Variants in TLN2 observed in about 807,000 individuals in gnomAD.
TLN2 encodes the protein talin 2, also known as talin-2.
Under a neutral mutation model 294.7 loss-of-function variants are expected in TLN2, and 118 were observed. The ratio of observed to expected loss-of-function variants is 0.40; its 90% CI spans 0.34 to 0.47. The LOEUF (loss-of-function observed/expected upper bound fraction) is 0.47. Ranked by LOEUF, TLN2 falls within the 20% of genes least tolerant of loss-of-function variation. The probability of loss-of-function intolerance (pLI) is 0.84; values close to 1 mark genes in which losing one functional copy is unlikely to be tolerated. For missense variants in TLN2, 3,083 were observed against 3,282.2 expected (o/e 0.94, Z 1.48); for synonymous variants, 1,431 against 1,304.5 (o/e 1.10, Z -2.09).
At position 62,840,732 on chromosome 15, in the gene TLN2, C is replaced by G; in HGVS notation, c.*122C>G. ...ACCTCCCTCCCGGGTGAGCCTGGAGCCCTGCGTGCTTGTTCTCACATCTCT... is the reference window on the plus strand; with the variant it reads ...ACCTCCCTCCCGGGTGAGCCTGGAGGCCTGCGTGCTTGTTCTCACATCTCT... On this transcript the variant is annotated 3_prime_UTR_variant, in exon 59 of 59. Coordinates refer to ENST00000636159, the MANE Select transcript of TLN2 (RefSeq NM_015059.3). 1 of 1,365,870 alleles carries G rather than the reference C, an allele frequency of 7.3e-7. No homozygotes were observed. 84.6% of individuals were successfully genotyped at this position (1,365,870 alleles called of 1,614,324 possible). A position where few individuals can be genotyped will look rare whatever the true frequency, so the allele number is the denominator to read the frequency against.
At chr15:62,789,304 C>T (rs2064913163) in intron 45 of TLN2, among the ~76,000 whole-genome samples, 1 of 152,152 alleles carries the variant, frequency 6.6e-6, no homozygotes, top group Admixed American at 6.5e-5. Context: ...CTGAGAACAC[C>T]AAAGGCCTTT....
intron 1 of TLN2, among the ~76,000 whole-genome samples, chr15:62,427,498 A>C (rs1046729115): frequency 6.6e-6 from 1 of 151,866 alleles, no homozygotes; most frequent in Non-Finnish European, 1.5e-5. Flanking sequence ...CAACGGGAGG[A>C]GGGGGCGAGG....
intron 54 of TLN2, chr15:62,830,885 T>G (rs1418296968): frequency 6.6e-6 from 1 of 152,124 alleles, no homozygotes; most frequent in African/African-American, 2.4e-5. Flanking sequence ...CTCCCAGAGA[T>G]AAGAACTTCT....
intron 2 of TLN2, among the ~76,000 whole-genome samples, chr15:62,613,334 T>G (rs1384224460): frequency 6.6e-6 from 1 of 152,204 alleles, no homozygotes; most frequent in Non-Finnish European, 1.5e-5. Context: ...TGTAATTATT[T>G]AGAATGGTCA....
intron 48 of TLN2, among the ~76,000 whole-genome samples, chr15:62,798,577 TCTCTGTTCC>T (rs1179098177): frequency 6.6e-6 from 1 of 152,096 alleles, no homozygotes; most frequent in African/African-American, 2.4e-5. Flanking sequence ...ACCTCTGTTC[TCTCTGTTCC>T]CAGAACCGTC....
chr15:62,673,438 T>A (rs1411167407), intron 9 of TLN2, among the ~76,000 whole-genome samples: 1 of 151,052 alleles, frequency 6.6e-6, no homozygotes, highest in Non-Finnish European at 1.5e-5. Context: ...GGAGAACCAT[T>A]TTTATTAGTA....
At chr15:62,421,704 A>G (rs2034409390) in intron 1 of TLN2, among the ~76,000 whole-genome samples, 1 of 152,108 alleles carries the variant, frequency 6.6e-6, no homozygotes, top group Non-Finnish European at 1.5e-5. Context: ...AGAGAGGATC[A>G]GAGAAAATAA....
intron 19 of TLN2, among the ~76,000 whole-genome samples, chr15:62,705,375 A>G (rs2058991777): frequency 6.6e-6 from 1 of 152,246 alleles, no homozygotes; most frequent in Admixed American, 6.5e-5. Context: ...AATGTACTGC[A>G]TGTTCCCATA....
intron 8 of TLN2, among the ~76,000 whole-genome samples, chr15:62,656,398 G>T (rs2053216192): frequency 6.6e-6 from 1 of 152,174 alleles, no homozygotes; most frequent in Admixed American, 6.5e-5. Context: ...CATTTCAAGT[G>T]CACTAAAGGT....
Position 62,792,643 on chromosome 15 carries a change from C to T in TLN2, c.5739C>T (p.Ile1913=), listed in dbSNP as rs752509413. 13 of 1,612,962 alleles carry T rather than the reference C, an allele frequency of 8.1e-6. No homozygotes were observed. Among genetic ancestry groups the T allele is most frequent in the South Asian group, 4.4e-5 (4 of 91,020 alleles). ...MAAATAEPEE[I]GFQIRTRVQD... ...CCATCCTGGGCTTGCCTCTGCAGAT[C>T]GGATTCCAGATTCGCACTCGTGTGC... The change falls in exon 46 of 59, where the codon ATC becomes ATT. Residue 1913 remains isoleucine (I), a splice_region_variant and synonymous_variant. Coordinates refer to ENST00000636159, the MANE Select transcript of TLN2 (RefSeq NM_015059.3).
chr15:62,842,867 C>G lies in TLN2; in HGVS notation c.*2257C>G, dbSNP rs2070846558. 2 of 152,116 alleles carry G rather than the reference C, an allele frequency of 1.3e-5. No individual in the cohort carries two copies. Among genetic ancestry groups the G allele is most frequent in the South Asian group, 2.1e-4 (1 of 4,830 alleles). The allele number at this position is 152,116 out of a possible 1,614,324, so 9.4% of individuals were successfully genotyped here. A position where few individuals can be genotyped will look rare whatever the true frequency, so the allele number is the denominator to read the frequency against. ...TTCTCAGTTATCACCTGGTATGGTC[C>G]CAGTTTCTCATCTGTCCTTTCCTCA... On this transcript the variant is annotated 3_prime_UTR_variant, in exon 59 of 59. Coordinates refer to ENST00000636159, the MANE Select transcript of TLN2 (RefSeq NM_015059.3).
chr15:62,518,817 C>T (rs1277206812), intron 1 of TLN2, among the ~76,000 whole-genome samples: 1 of 151,956 alleles, frequency 6.6e-6, no homozygotes, highest in African/African-American at 2.4e-5. Flanking sequence ...TGGCTGGTCT[C>T]GAACTCTTGA....
At chr15:62,783,053 C>T (rs934177636) in intron 44 of TLN2, among the ~76,000 whole-genome samples, 1 of 152,170 alleles carries the variant, frequency 6.6e-6, no homozygotes, top group Admixed American at 6.5e-5. Flanking sequence ...ATGCATCAGT[C>T]AATGAAACAG....
chr15:62,482,556 C>T (rs767154291), intron 1 of TLN2, among the ~76,000 whole-genome samples: 3 of 139,622 alleles, frequency 2.1e-5, no homozygotes, highest in East Asian at 2.1e-4. Flanking sequence ...GAGCCGAGAT[C>T]GTGCCATCGC....
At chr15:62,674,542 G>A (rs989984415) in intron 10 of TLN2, among the ~76,000 whole-genome samples, 5 of 147,738 alleles carry the variant, frequency 3.4e-5, no homozygotes, top group Admixed American at 6.8e-5. Flanking sequence ...GAGCCAAGAC[G>A]GAGTGCAATG....
At chr15:62,640,678 T>C (rs1168505881) in intron 3 of TLN2, among the ~76,000 whole-genome samples, 1 of 152,208 alleles carries the variant, frequency 6.6e-6, no homozygotes, top group Non-Finnish European at 1.5e-5. Context: ...CTATAGGAGT[T>C]AGCTGCTTCG....
At chr15:62,490,994 G>A (rs2038673812) in intron 1 of TLN2, among the ~76,000 whole-genome samples, 1 of 152,094 alleles carries the variant, frequency 6.6e-6, no homozygotes. Context: ...GCACAGCTTG[G>A]TTTTATACAT....
At chr15:62,738,506 C>T (rs2061150596) in intron 30 of TLN2, among the ~76,000 whole-genome samples, 173 bp downstream of exon 30, 1 of 152,192 alleles carries the variant, frequency 6.6e-6, no homozygotes, top group Non-Finnish European at 1.5e-5. Context: ...ACAAAGTTCC[C>T]AGGTGGAGCT....
At chr15:62,652,877 A>G (rs73435622) in intron 6 of TLN2, among the ~76,000 whole-genome samples, 3,969 of 152,288 alleles carry the variant, frequency 0.026, 190 homozygotes, top group African/African-American at 0.09. Flanking sequence ...GGTTTCAAAG[A>G]CATTTTGGAA....
Sources: gnomAD v4.1 joint callset for allele counts (sites outside exome capture counted in the v4.1 genomes callset) on GRCh38, gnomAD v4.1.1 for gene constraint, MANE v1.5 for transcripts, NCBI Gene and HGNC (gene_info 2026-07-23, HGNC 2026-07-21) for gene names.